Variants in ADAMTS12 observed in about 807,000 individuals in gnomAD.
ADAMTS12 encodes the protein ADAM metallopeptidase with thrombospondin type 1 motif 12.
A neutral mutation model predicts 167.8 loss-of-function variants in ADAMTS12; 118 were observed. The ratio of observed to expected loss-of-function variants is 0.70; its 90% CI spans 0.61 to 0.82. ADAMTS12 has a LOEUF of 0.82. Among genes scored for constraint, ADAMTS12 ranks in the 40% least tolerant of loss-of-function variants. The probability of loss-of-function intolerance (pLI) is 0.00; values close to 1 mark genes in which losing one functional copy is unlikely to be tolerated. For missense variants in ADAMTS12, 1,916 were observed against 1,998.8 expected, an observed-to-expected ratio of 0.96 and a Z score of 0.79; for synonymous variants, 704 against 716.9, an observed-to-expected ratio of 0.98 and a Z score of 0.29.
intron 3 of ADAMTS12, among the ~76,000 whole-genome samples, chr5:33,724,910 C>G (rs981011600): frequency 6.6e-6 from 1 of 152,166 alleles, no homozygotes; most frequent in Non-Finnish European, 1.5e-5. Flanking sequence ...GCCAACCAAT[C>G]CAAAGCTATT....
At position 33,640,957 on chromosome 5, in the gene ADAMTS12, G is replaced by C. The variant is rs529291798; in HGVS notation, c.1718+853C>G. Among the ~76,000 whole-genome samples, 44 of 151,692 alleles carry C rather than the reference G, an allele frequency of 2.9e-4. No homozygotes were observed. The East Asian group carries it at 8.1e-3, about 28-fold the overall frequency. ...ATAACCTTTGGAATTGAGATATTGA[G>C]AGATAAAATCACTTTTATTGCTCGC... On this transcript the variant is annotated intron_variant, in intron 11 of 23. Coordinates refer to ENST00000504830, the MANE Select transcript of ADAMTS12 (RefSeq NM_030955.4).
chr5:33,832,261 CT>C (rs1397444547), intron 2 of ADAMTS12, among the ~76,000 whole-genome samples: 1 of 152,172 alleles, frequency 6.6e-6, no homozygotes, highest in Non-Finnish European at 1.5e-5. Flanking sequence ...AGTTGTGCCC[CT>C]GACTCCTTGT....
chr5:33,798,188 A>AT (rs879896541), intron 2 of ADAMTS12, among the ~76,000 whole-genome samples: 112 of 146,606 alleles, frequency 7.6e-4, no homozygotes, highest in South Asian at 1.5e-3. Context: ...CTCTCATGAC[A>AT]TTTTTTTTTT....
intron 1 of ADAMTS12, among the ~76,000 whole-genome samples, chr5:33,882,488 C>A (rs1252961202): frequency 6.6e-6 from 1 of 152,182 alleles, no homozygotes; most frequent in Admixed American, 6.5e-5. Flanking sequence ...CCTACCACTA[C>A]CTCCTTATTT....
chr5:33,747,896 T>TATTC lies in ADAMTS12; in HGVS notation c.634+3504_634+3507dup, dbSNP rs780818830. ...TGTCAGTGCTTCAGACAAAGAGGTA[T>TATTC]ATTCTATTTACAATTCTACCCAAAG... On this transcript the variant is annotated intron_variant, in intron 3 of 23. Coordinates refer to ENST00000504830, the MANE Select transcript of ADAMTS12 (RefSeq NM_030955.4). Among the ~76,000 whole-genome samples the TATTC allele has an allele frequency of 2.6e-5, 4 of 152,324 alleles. No homozygotes were observed. In the East Asian group the frequency reaches 5.8e-4, roughly 22 times the overall value.
intron 8 of ADAMTS12, 127 bp downstream of exon 8, chr5:33,649,427 C>T: frequency 8.2e-7 from 1 of 1,226,086 alleles, no homozygotes; most frequent in East Asian, 2.5e-5. Context: ...TCTGATGCCA[C>T]CCTGACATGG....
intron 16 of ADAMTS12, among the ~76,000 whole-genome samples, chr5:33,611,921 G>C (rs1382571734): frequency 6.6e-6 from 1 of 152,164 alleles, no homozygotes; most frequent in Non-Finnish European, 1.5e-5. Flanking sequence ...AGTAGCAAAA[G>C]TGCATGTGTT....
chr5:33,805,763 G>A (rs1012016261), intron 2 of ADAMTS12, among the ~76,000 whole-genome samples: 1 of 152,084 alleles, frequency 6.6e-6, no homozygotes, highest in African/African-American at 2.4e-5. Flanking sequence ...AGTGGTTTAT[G>A]CCTTAATCCC....
intron 2 of ADAMTS12, among the ~76,000 whole-genome samples, chr5:33,875,349 C>T (rs886759082): frequency 3.3e-5 from 5 of 152,096 alleles, no homozygotes; most frequent in Non-Finnish European, 5.9e-5. Flanking sequence ...GATGTGTCAA[C>T]ATATATTCAT....
intron 2 of ADAMTS12, among the ~76,000 whole-genome samples, chr5:33,804,437 A>C (rs1398601311): frequency 6.6e-6 from 1 of 152,188 alleles, no homozygotes. Flanking sequence ...CCAACCCTGC[A>C]TGAGGGGCCA....
chr5:33,596,946 A>G (rs1737917013), intron 16 of ADAMTS12, among the ~76,000 whole-genome samples: 1 of 152,164 alleles, frequency 6.6e-6, no homozygotes, highest in South Asian at 2.1e-4. Context: ...TAAGTAAGGG[A>G]CTCACACAGG....
chr5:33,754,801 A>G (rs1745114269), intron 2 of ADAMTS12, among the ~76,000 whole-genome samples: 1 of 152,192 alleles, frequency 6.6e-6, no homozygotes, highest in African/African-American at 2.4e-5. Context: ...GGTTGCAGTG[A>G]GCCGAGATTG....
At chr5:33,715,726 A>T (rs577117675) in intron 3 of ADAMTS12, among the ~76,000 whole-genome samples, 19 of 152,276 alleles carry the variant, frequency 1.2e-4, no homozygotes, top group African/African-American at 4.6e-4. Flanking sequence ...AAACACAATG[A>T]AACCAGCCTT....
intron 2 of ADAMTS12, among the ~76,000 whole-genome samples, chr5:33,829,905 C>T (rs1748229714): frequency 6.6e-6 from 1 of 152,166 alleles, no homozygotes; most frequent in African/African-American, 2.4e-5. Flanking sequence ...GGCAATCAGC[C>T]TCAGTGACAT....
chr5:33,717,775 T>A (rs4409096), intron 3 of ADAMTS12, among the ~76,000 whole-genome samples: 3 of 151,982 alleles, frequency 2.0e-5, no homozygotes, highest in Non-Finnish European at 4.4e-5. Flanking sequence ...AGCCCATAAA[T>A]GATGAACAAT....
At chr5:33,723,742 A>G (rs1488889993) in intron 3 of ADAMTS12, among the ~76,000 whole-genome samples, 1 of 152,066 alleles carries the variant, frequency 6.6e-6, no homozygotes, top group East Asian at 1.9e-4. Context: ...ACTCCCCTCC[A>G]TTTCTCAGCA....
chr5:33,809,999 A>C (rs1747391991), intron 2 of ADAMTS12, among the ~76,000 whole-genome samples: 2 of 137,038 alleles, frequency 1.5e-5, no homozygotes, highest in Admixed American at 7.1e-5. Context: ...AAAAAAAAAA[A>C]AACAGATTAG....
intron 16 of ADAMTS12, among the ~76,000 whole-genome samples, chr5:33,608,638 G>A (rs1738567990): frequency 6.6e-6 from 1 of 152,100 alleles, no homozygotes. Flanking sequence ...AGGAACAAGA[G>A]GAAAGAAAAC....
intron 2 of ADAMTS12, among the ~76,000 whole-genome samples, chr5:33,863,779 G>A (rs1363196092): frequency 2.0e-5 from 3 of 152,184 alleles, no homozygotes; most frequent in African/African-American, 4.8e-5. Context: ...AAAGCTGGAA[G>A]CTTCACACTA....
Sources: gnomAD v4.1 joint callset for allele counts (sites outside exome capture counted in the v4.1 genomes callset) on GRCh38, gnomAD v4.1.1 for gene constraint, MANE v1.5 for transcripts, NCBI Gene and HGNC (gene_info 2026-07-23, HGNC 2026-07-21) for gene names.